NYAP1: variants seen among roughly 807,000 people sequenced by gnomAD.
NYAP1 encodes neuronal tyrosine-phosphorylated phosphoinositide-3-kinase adapter 1.
NYAP1 carries 20 observed loss-of-function variants against 58.6 expected under a neutral mutation model. That is an observed-to-expected ratio of 0.34 (90% CI 0.24 to 0.50). The LOEUF (loss-of-function observed/expected upper bound fraction) is 0.50. Among genes scored for constraint, NYAP1 ranks in the 20% least tolerant of loss-of-function variants. The pLI is 0.98. For missense variants in NYAP1, 1,150 were observed against 1,194.5 expected (o/e 0.96, Z 0.55); for synonymous variants, 572 against 523.1 (o/e 1.09, Z -1.27).
chr7:100,487,049 CG>C lies in NYAP1; in HGVS notation c.301del (p.Ala101ProfsTer102). 1 of 1,601,608 alleles carries C rather than the reference CG, an allele frequency of 6.2e-7. No homozygotes were observed. The highest frequency in any genetic ancestry group is 8.5e-7 in the Non-Finnish European group (1 of 1,173,874). On this transcript the variant is annotated frameshift_variant, in exon 3 of 7. Coordinates refer to ENST00000300179, the MANE Select transcript of NYAP1 (RefSeq NM_173564.4). LOFTEE classifies it high-confidence loss of function. This position sits in a 1 kb window ranked among gnomAD's most constrained non-coding sequence, Gnocchi z 4.1. ...TGGACAGTGTCGGGGGTGGCCCTGG[CG>C]GGGCCAGTGGGGGCCTCACAGAGGA... ...SMDSVGGGPGGASGGLTEDSS... is the reference protein window; with the variant it reads ...SMDSVGGGPGXASGGLTEDSS...
chr7:100,491,247 G>C, intron 6 of NYAP1, 152 bp downstream of exon 6: 1 of 576,096 alleles, frequency 1.7e-6, no homozygotes, highest in East Asian at 3.0e-5. Flanking sequence ...GTCACTTGAG[G>C]CCAGAAGTTC....
At chr7:100,491,320 G>C (rs1245741407) in intron 6 of NYAP1, among the ~76,000 whole-genome samples, 1 of 152,196 alleles carries the variant, frequency 6.6e-6, no homozygotes, top group African/African-American at 2.4e-5. Flanking sequence ...AAGAAGGCTA[G>C]TTGCAGTGGC....
At position 100,487,925 on chromosome 7, in the gene NYAP1, T is replaced by G. The variant is rs1563188274; in HGVS notation, c.431-227T>G. On this transcript the variant is annotated intron_variant, in intron 3 of 6. Coordinates refer to ENST00000300179, the MANE Select transcript of NYAP1 (RefSeq NM_173564.4). This position sits in a 1 kb window ranked among gnomAD's most constrained non-coding sequence, Gnocchi z 4.1. ...TAGGAGGCCGAGGCAGGAGGATCCCTTGAGCCCAGGAATTTGGGACCAGTC... is the reference window on the plus strand; with the variant it reads ...TAGGAGGCCGAGGCAGGAGGATCCCGTGAGCCCAGGAATTTGGGACCAGTC... Among the ~76,000 whole-genome samples the G allele has an allele frequency of 6.6e-6, 1 of 152,154 alleles. No homozygotes were observed. Among genetic ancestry groups the G allele is most frequent in the African/African-American group, 2.4e-5 (1 of 41,436 alleles).
In NYAP1 at chr7:100,488,583, C is replaced by T. The variant is rs1799740094; in HGVS notation, c.862C>T (p.Pro288Ser). The T allele has an allele frequency of 1.9e-6, 3 of 1,611,310 alleles. No individual in the cohort carries two copies. The highest frequency in any genetic ancestry group is 2.5e-6 in the Non-Finnish European group (3 of 1,179,274). Residue 288 changes from proline to serine, a missense_variant, in exon 4 of 7, where the codon CCG (proline) becomes TCG (serine). Pro to Ser is a moderately conservative substitution (Grantham distance 74). Transcript: ENST00000300179. This position sits in a 1 kb window ranked among gnomAD's most constrained non-coding sequence, Gnocchi z 5.9. ...NGPPPLTATS[P>S]PQQPHALPPH... ...CCCTCCACCATTGACGGCAACATCC[C>T]CGCCACAACAGCCTCACGCCCTTCC...
At position 100,486,466 on chromosome 7, in the gene NYAP1, G is replaced by A. The variant is rs192676590; in HGVS notation, c.69-355G>A. Among the ~76,000 whole-genome samples, 10 of 152,210 alleles carry A rather than the reference G, an allele frequency of 6.6e-5. No individual in the cohort carries two copies. Among genetic ancestry groups the A allele is most frequent in the African/African-American group, 2.2e-4 (9 of 41,526 alleles). On this transcript the variant is annotated intron_variant, in intron 2 of 6. Coordinates refer to ENST00000300179, the MANE Select transcript of NYAP1 (RefSeq NM_173564.4). This position sits in a 1 kb window ranked among gnomAD's most constrained non-coding sequence, Gnocchi z 6.2. ...CTGTGAGAGTGAGAGGGGCCAAGGA[G>A]CTGTGGGGGGCAGGCGTGTCCATCT... is the stretch of plus-strand genomic sequence containing the variant.
At position 100,493,701 on chromosome 7, in the gene NYAP1, G is replaced by A. The variant is rs905217084; in HGVS notation, c.2324G>A (p.Arg775His). ...CTGCCGCCCCAGCCGGCCCGCGAGC[G>A]TGACGGGAAGCTGCTGGAGGTGATC... The part of the protein sequence containing the change: ...LPLPPQPARE[R>H]DGKLLEVIER... The change falls in exon 7 of 7, where the codon CGT (arginine) becomes CAT (histidine). Residue 775 changes from arginine to histidine, a missense_variant. By Grantham distance (29) the Arg-to-His change is conservative. Coordinates refer to ENST00000300179, the MANE Select transcript of NYAP1 (RefSeq NM_173564.4). 6.3e-7 allele frequency: 1 copy of A among 1,596,270 alleles called. No individual in the cohort carries two copies. The highest frequency in any genetic ancestry group is 8.5e-7 in the Non-Finnish European group (1 of 1,175,146).
At position 100,487,050 on chromosome 7, in the gene NYAP1, G is replaced by C; in HGVS notation, c.298G>C (p.Gly100Arg). ...SMDSVGGGPG[G>R]ASGGLTEDSS... ...GGACAGTGTCGGGGGTGGCCCTGGC[G>C]GGGCCAGTGGGGGCCTCACAGAGGA... is the stretch of plus-strand genomic sequence containing the variant. Residue 100 changes from glycine (G) to arginine (R), a missense_variant, in exon 3 of 7, where the codon GGG becomes CGG. Transcript: ENST00000300179. This position sits in a 1 kb window ranked among gnomAD's most constrained non-coding sequence, Gnocchi z 4.1. The C allele has an allele frequency of 6.2e-7, 1 of 1,600,404 alleles. No individual in the cohort carries two copies. The highest frequency in any genetic ancestry group is 8.5e-7 in the Non-Finnish European group (1 of 1,173,188).
Position 100,485,528 on chromosome 7 carries a change from C to G in NYAP1, c.68+149C>G. ...TACGGAATGGCCAGGATTGCACACA[C>G]TGTCCTGGCCCAACTCCTGCTCTCC... On this transcript the variant is annotated intron_variant, in intron 2 of 6. Transcript: ENST00000300179. This position sits in a 1 kb window ranked among gnomAD's most constrained non-coding sequence, Gnocchi z 5.7. 1.6e-6 allele frequency: 1 copy of G among 636,574 alleles called. No homozygotes were observed. The highest frequency in any genetic ancestry group is 2.0e-5 in the South Asian group (1 of 50,872). The allele number at this position is 636,574 out of a possible 1,614,324, so 39.4% of individuals were successfully genotyped here.
chr7:100,487,246 G>C lies in NYAP1; in HGVS notation c.430+64G>C, dbSNP rs181041772. 3.5e-6 allele frequency: 5 copies of C among 1,433,292 alleles called. No individual in the cohort carries two copies. The highest frequency in any genetic ancestry group is 3.0e-5 in the African/African-American group (2 of 67,582). 88.8% of individuals were successfully genotyped at this position (1,433,292 alleles called of 1,614,324 possible). On this transcript the variant is annotated intron_variant, in intron 3 of 6. Transcript: ENST00000300179. This position sits in a 1 kb window ranked among gnomAD's most constrained non-coding sequence, Gnocchi z 4.1. ...AGCTGGGAGGATCTATTCCACGCCC[G>C]GGGAGGCTTGCCGGGAGGGTTCATT...
rs778392203 is a variant in NYAP1, at chr7:100,489,075, C to A, written c.1354C>A (p.Pro452Thr). Residue 452 changes from proline (P) to threonine (T), a missense_variant, in exon 4 of 7, where the codon CCC (proline) becomes ACC (threonine). Physicochemically the swap from Pro to Thr is conservative, Grantham distance 38. Transcript: ENST00000300179. The part of the protein sequence containing the change: ...PPAPAALLPG[P>T]PKDKAVSYTM... ...TGCCCCGGCCGCCTTGCTCCCCGGC[C>A]CCCCCAAGGACAAGGCCGTGTCTTA... is the stretch of plus-strand genomic sequence containing the variant. 11 of 1,549,502 alleles carry A rather than the reference C, an allele frequency of 7.1e-6. No individual in the cohort carries two copies. The East Asian group carries it at 7.2e-5, about 10-fold the overall frequency.
In NYAP1 at chr7:100,486,537, A is replaced by G. The variant is rs368272003; in HGVS notation, c.69-284A>G. ...TCTACCTCTGCACAAGGCTGTCCAC[A>G]CAGGTGCCCAGGCTGGGATCCGCCA... On this transcript the variant is annotated intron_variant, in intron 2 of 6. Coordinates refer to ENST00000300179, the MANE Select transcript of NYAP1 (RefSeq NM_173564.4). The surrounding 1 kb of genome is among the most constrained non-coding windows in gnomAD (Gnocchi z 6.2). Among the ~76,000 whole-genome samples, 8 of 152,138 alleles carry G rather than the reference A, an allele frequency of 5.3e-5. No individual in the cohort carries two copies. The East Asian group carries it at 1.2e-3, about 22-fold the overall frequency.
rs756099885 is a variant in NYAP1 at position 100,488,986 on chromosome 7, G to A, written c.1265G>A (p.Arg422Gln). The part of the protein sequence containing the change: ...PQGSGQPRGE[R>Q]ELPNSHSMIC... ...GGCTCTGGCCAGCCCCGGGGGGAGC[G>A]GGAGCTCCCCAACTCCCACAGCATG... Residue 422 changes from arginine to glutamine, a missense_variant, in exon 4 of 7, where the codon CGG becomes CAG. By Grantham distance (43) the Arg-to-Gln change is conservative (BLOSUM62 1). Coordinates refer to ENST00000300179, the MANE Select transcript of NYAP1 (RefSeq NM_173564.4). This position sits in a 1 kb window ranked among gnomAD's most constrained non-coding sequence, Gnocchi z 5.9. 1.2e-5 allele frequency: 19 copies of A among 1,574,078 alleles called. No individual in the cohort carries two copies. In the East Asian group the frequency reaches 1.4e-4, roughly 11 times the overall value.
At position 100,485,716 on chromosome 7, in the gene NYAP1, G is replaced by T. The variant is rs1336670390; in HGVS notation, c.68+337G>T. Among the ~76,000 whole-genome samples the T allele has an allele frequency of 6.6e-6, 1 of 152,144 alleles. No individual in the cohort carries two copies. The highest frequency in any genetic ancestry group is 1.5e-5 in the Non-Finnish European group (1 of 68,018). ...TGTCACCTGACCTTGGAAGGGGCAGGCCCCGCCTCTCTCCCAGGGTCTAGG... is the reference window on the plus strand; with the variant it reads ...TGTCACCTGACCTTGGAAGGGGCAGTCCCCGCCTCTCTCCCAGGGTCTAGG... On this transcript the variant is annotated intron_variant, in intron 2 of 6. Transcript: ENST00000300179. This position sits in a 1 kb window ranked among gnomAD's most constrained non-coding sequence, Gnocchi z 5.7.
chr7:100,493,585 C>G, intron 6 of NYAP1, 61 bp from the exon 7 acceptor site: 2 of 1,414,706 alleles, frequency 1.4e-6, no homozygotes, highest in South Asian at 1.4e-5. Flanking sequence ...CGGACCCGTC[C>G]GGTCATGCTG....
rs1353516803 is a variant in NYAP1, at chr7:100,485,783, C to A, written c.68+404C>A. 6.6e-6 allele frequency among the ~76,000 whole-genome samples: 1 copy of A among 152,212 alleles called. No homozygotes were observed. Among genetic ancestry groups the A allele is most frequent in the East Asian group, 1.9e-4 (1 of 5,202 alleles). On this transcript the variant is annotated intron_variant, in intron 2 of 6. Coordinates refer to ENST00000300179, the MANE Select transcript of NYAP1 (RefSeq NM_173564.4). The surrounding 1 kb of genome is among the most constrained non-coding windows in gnomAD (Gnocchi z 5.7). ...GGGCATCAGAGAACATCCACTTGGC[C>A]TCCTCCCAGTTTTCCCTGCTGGGGG...
chr7:100,487,658 C>G lies in NYAP1; in HGVS notation c.430+476C>G, dbSNP rs547123514. ...CTGGGATTACAGGCGTCCGTCACCACGCCCGGCTAATTTTTTGTATTTTTA... is the reference window on the plus strand; with the variant it reads ...CTGGGATTACAGGCGTCCGTCACCAGGCCCGGCTAATTTTTTGTATTTTTA... On this transcript the variant is annotated intron_variant, in intron 3 of 6. Coordinates refer to ENST00000300179, the MANE Select transcript of NYAP1 (RefSeq NM_173564.4). This position sits in a 1 kb window ranked among gnomAD's most constrained non-coding sequence, Gnocchi z 4.1. 1.3e-5 allele frequency among the ~76,000 whole-genome samples: 2 copies of G among 152,152 alleles called. No homozygotes were observed. The highest frequency in any genetic ancestry group is 4.8e-5 in the African/African-American group (2 of 41,436).
intron 1 of NYAP1, among the ~76,000 whole-genome samples, chr7:100,484,206 G>A (rs1799675158): frequency 6.6e-6 from 1 of 152,100 alleles, no homozygotes; most frequent in South Asian, 2.1e-4. Context: ...GGGGGAGGAC[G>A]GCTGTAAGGA....
intron 6 of NYAP1, among the ~76,000 whole-genome samples, chr7:100,493,316 G>C (rs1341427748): frequency 6.6e-6 from 1 of 152,118 alleles, no homozygotes; most frequent in Non-Finnish European, 1.5e-5. Flanking sequence ...AGCTATGATT[G>C]CACCACTGCA....
intron 6 of NYAP1, among the ~76,000 whole-genome samples, chr7:100,492,448 C>G (rs1392217479): frequency 1.3e-5 from 2 of 152,052 alleles, no homozygotes; most frequent in Admixed American, 6.6e-5. Flanking sequence ...AAAAGACCTC[C>G]CCACTGGGCA....
Sources: allele counts gnomAD v4.1 joint callset (sites outside exome capture counted in the v4.1 genomes callset), GRCh38; gene constraint gnomAD v4.1.1; non-coding constraint Gnocchi (gnomAD v3.1); transcripts MANE v1.5; gene names NCBI Gene and HGNC (gene_info 2026-07-23, HGNC 2026-07-21).